The following SNAPC5 variants were observed in gnomAD, a reference collection of about 807,000 sequenced individuals.
SNAPC5 encodes small nuclear RNA activating complex polypeptide 5.
A neutral mutation model predicts 9.1 loss-of-function variants in SNAPC5; 12 were observed. That is an observed-to-expected ratio of 1.32 (90% confidence interval 0.85 to 2.15). The LOEUF is 2.15. SNAPC5 is among the 30% of genes most tolerant of loss of function. The pLI is 0.00. For missense variants in SNAPC5, 132 were observed against 114.4 expected (o/e 1.15, Z -0.70); for synonymous variants, 52 against 47.3 (o/e 1.10, Z -0.41).
At chr15:66,493,000 T>TGGGG (rs1243640882), downstream of SNAPC5, among the ~76,000 whole-genome samples, 2 of 152,244 alleles carry the variant, frequency 1.3e-5, no homozygotes, top group African/African-American at 2.4e-5. Flanking sequence ...CCAAAATTTA[T>TGGGG]GTACCTTGAT....
intron 1 of SNAPC5, among the ~76,000 whole-genome samples, chr15:66,495,662 C>T (rs1291442854): frequency 3.3e-5 from 5 of 152,182 alleles, no homozygotes; most frequent in Admixed American, 3.3e-4. Context: ...TGAGTCATGG[C>T]TTCCACTTCT....
At chr15:66,492,869 A>T (rs937164864), downstream of SNAPC5, among the ~76,000 whole-genome samples, 7 of 152,302 alleles carry the variant, frequency 4.6e-5, no homozygotes, top group Non-Finnish European at 7.4e-5. Flanking sequence ...TCTTCACCTT[A>T]CAGATGGGAA....
downstream of SNAPC5, chr15:66,492,436 C>CT (rs34751712): frequency 3.3e-5 from 5 of 153,842 alleles, no homozygotes; most frequent in African/African-American, 7.2e-5. Context: ...AGCTAGTCAA[C>CT]TTTTTTTTCT....
At chr15:66,489,864 C>T, downstream of SNAPC5, 2 of 983,382 alleles carry the variant, frequency 2.0e-6, no homozygotes, top group Non-Finnish European at 1.6e-6. Context: ...CATTCCCTGC[C>T]CACTGTGGTC....
At chr15:66,491,666 C>T (rs1008312677), downstream of SNAPC5, 3 of 228,490 alleles carry the variant, frequency 1.3e-5, no homozygotes, top group East Asian at 1.0e-4. Context: ...AGAAACAGGA[C>T]ACCGAGTTCA....
chr15:66,491,304 CTT>C (rs570295657), downstream of SNAPC5: 31 of 234,170 alleles, frequency 1.3e-4, no homozygotes, highest in African/African-American at 5.5e-4. Context: ...TGGTATGTCT[CTT>C]TAAGTTTTGA....
At chr15:66,496,309 C>CA (rs1173149107) in intron 1 of SNAPC5, among the ~76,000 whole-genome samples, 1 of 151,740 alleles carries the variant, frequency 6.6e-6, no homozygotes, top group Non-Finnish European at 1.5e-5. Flanking sequence ...CTACTAAATA[C>CA]AAAAAATTAG....
chr15:66,490,530 C>T, downstream of SNAPC5: 1 of 1,613,964 alleles, frequency 6.2e-7, no homozygotes, highest in South Asian at 1.1e-5. Flanking sequence ...AGATCTGATG[C>T]TGAGGAAGTG....
chr15:66,490,028 C>G (rs889776551), downstream of SNAPC5: 158 of 582,508 alleles, frequency 2.7e-4, no homozygotes, highest in Non-Finnish European at 3.9e-4. Flanking sequence ...CAGCCCACCC[C>G]CTTCATGGGG....
downstream of SNAPC5, chr15:66,490,534 G>T (rs770847542): frequency 1.2e-6 from 2 of 1,614,122 alleles, no homozygotes; most frequent in South Asian, 2.2e-5. Context: ...CTGATGCTGA[G>T]GAAGTGGATT....
At chr15:66,490,260 G>A, downstream of SNAPC5, 1 of 648,416 alleles carries the variant, frequency 1.5e-6, no homozygotes. Context: ...CAGAGTTACT[G>A]TCTCCATACT....
At chr15:66,490,385 T>TG (rs1364494157), downstream of SNAPC5, 1 of 805,876 alleles carries the variant, frequency 1.2e-6, no homozygotes, top group East Asian at 2.4e-5. Context: ...AGGTGCCAGG[T>TG]GCTCTTTCCA....
At chr15:66,491,272 G>A (rs8684), downstream of SNAPC5, 14,221 of 237,318 alleles carry the variant, frequency 0.06, 586 homozygotes, top group Middle Eastern at 0.1. Flanking sequence ...TTTATTTTCA[G>A]TATACTGTGT....
chr15:66,492,729 G>A (rs35596743), downstream of SNAPC5, among the ~76,000 whole-genome samples: 8,535 of 151,674 alleles, frequency 0.056, 342 homozygotes, highest in Middle Eastern at 0.11. Flanking sequence ...TATGATCCCC[G>A]CATGAATCTT....
chr15:66,495,441 C>T (rs1466488971), intron 1 of SNAPC5, 22 bp from the exon 2 acceptor site: 16 of 1,376,270 alleles, frequency 1.2e-5, no homozygotes, highest in Admixed American at 1.7e-5. Context: ...GAGTTGAGGA[C>T]ACTTTTCCTT....
downstream of SNAPC5, chr15:66,490,494 A>T: frequency 6.3e-7 from 1 of 1,591,864 alleles, no homozygotes; most frequent in East Asian, 2.2e-5. Flanking sequence ...TCGTTTCCTT[A>T]CATGCAGGTT....
chr15:66,492,277 T>A (rs956558492), downstream of SNAPC5: 4 of 269,132 alleles, frequency 1.5e-5, no homozygotes, highest in African/African-American at 4.6e-5. Context: ...ACATATATAT[T>A]TATAAATAAA....
chr15:66,496,744 A>C (rs1017104669), intron 1 of SNAPC5, among the ~76,000 whole-genome samples: 1 of 152,044 alleles, frequency 6.6e-6, no homozygotes, highest in Non-Finnish European at 1.5e-5. Context: ...TAATCTCAGC[A>C]CTTTGGAAGG....
chr15:66,497,588 G>T lies in SNAPC5; in HGVS notation c.90+54C>A, dbSNP rs764874421. 3.3e-5 allele frequency: 50 copies of T among 1,518,822 alleles called. No individual in the cohort carries two copies. In the Admixed American group the frequency reaches 8.0e-4, roughly 24 times the overall value. 94.1% of individuals were successfully genotyped at this position (1,518,822 alleles called of 1,614,324 possible). On this transcript the variant is annotated intron_variant, in intron 1 of 2. Transcript: ENST00000316634. ...TCACCACAGAGGCCCAGGTTGGGGG[G>T]AAATGGTCGCTCGGGAGGAATGGAG...
Sources: allele counts gnomAD v4.1 joint callset (sites outside exome capture counted in the v4.1 genomes callset), GRCh38; gene constraint gnomAD v4.1.1; transcripts MANE v1.5; gene names NCBI Gene and HGNC (gene_info 2026-07-23, HGNC 2026-07-21).